The following DNPEP variants were observed in gnomAD, a reference collection of about 807,000 sequenced individuals.
DNPEP encodes the protein aspartyl aminopeptidase.
In DNPEP, 46 loss-of-function variants were observed where a neutral mutation model predicts 59.1. The observed-to-expected ratio is 0.78, with a 90% CI of 0.61 to 0.99. The LOEUF (loss-of-function observed/expected upper bound fraction) is 0.99, where lower values mean the gene tolerates loss of function less well. DNPEP is among the 50% of genes least tolerant of loss of function. DNPEP has a pLI of 0.00. For synonymous variants in DNPEP, 229 were observed against 242.2 expected (o/e 0.95, Z 0.50); for missense variants, 617 against 649.9 (o/e 0.95, Z 0.55).
chr2:219,384,275 A>G, intron 9 of DNPEP, 91 bp downstream of exon 9: 1 of 1,296,844 alleles, frequency 7.7e-7, no homozygotes, highest in Non-Finnish European at 1.1e-6. Flanking sequence ...CCTCTCTCAC[A>G]ACCTGCTGGG....
chr2:219,378,479 C>T (rs148361259), intron 13 of DNPEP, among the ~76,000 whole-genome samples: 30 of 152,340 alleles, frequency 2.0e-4, no homozygotes, highest in Non-Finnish European at 3.8e-4. Flanking sequence ...AACAATTCAG[C>T]TTTCCGAAAG....
At position 219,372,925 on chromosome 2, in the gene DNPEP, TAA is replaced by T. The variant is rs982197440; in HGVS notation, c.*1365_*1366del. Among the ~76,000 whole-genome samples, 22 of 152,174 alleles carry T rather than the reference TAA, an allele frequency of 1.4e-4. No individual in the cohort carries two copies. Among genetic ancestry groups the T allele is most frequent in the African/African-American group, 3.4e-4 (14 of 41,438 alleles). The stretch of plus-strand genomic sequence containing the variant: ...ATATAGAAATATCTCTATATTATAT[TAA>T]GTTTTTTAGAAAGCTGAAGTGGAAT... On this transcript the variant is annotated 3_prime_UTR_variant, in exon 15 of 15. Coordinates refer to ENST00000273075, the MANE Select transcript of DNPEP (RefSeq NM_012100.4).
chr2:219,394,720 A>G (rs1285444227), intron 1 of DNPEP, among the ~76,000 whole-genome samples: 4 of 152,304 alleles, frequency 2.6e-5, no homozygotes, highest in Admixed American at 2.0e-4. Flanking sequence ...CCTAGCCCAG[A>G]TATCTCTTCT....
intron 13 of DNPEP, among the ~76,000 whole-genome samples, chr2:219,380,202 C>CTTTT (rs71040453): frequency 3.2e-4 from 41 of 129,198 alleles, no homozygotes; most frequent in East Asian, 2.3e-3. Flanking sequence ...TTTTTCTTTT[C>CTTTT]TTTTTTTTTT....
intron 1 of DNPEP, chr2:219,399,808 T>TC: frequency 7.7e-7 from 1 of 1,303,068 alleles, no homozygotes; most frequent in Non-Finnish European, 1.0e-6. Context: ...CATGGAAGGC[T>TC]GGTGCCTAGG....
At chr2:219,384,252 G>T (rs930154291) in intron 9 of DNPEP, 114 bp downstream of exon 9, 1 of 993,992 alleles carries the variant, frequency 1.0e-6, no homozygotes, top group Non-Finnish European at 1.5e-6. Flanking sequence ...AGACTGAGCG[G>T]GTAGACAATG....
Position 219,386,082 on chromosome 2 carries a change from C to G in DNPEP, c.476G>C (p.Arg159Pro). ...RVIVKCPTSGRLEQQLVHVER... is the reference protein window; with the variant it reads ...RVIVKCPTSGPLEQQLVHVER... ...CACGTGCACCAGCTGCTGCTCCAGC[C>G]GACCTGAGGTAGGGCACTGCAGCCA... The change falls in exon 6 of 15, where the codon CGG (arginine) becomes CCG (proline). Residue 159 changes from arginine to proline, a missense_variant. Arg to Pro is a moderately radical substitution (Grantham distance 103, BLOSUM62 -2). Transcript: ENST00000273075. 1 of 1,614,088 alleles carries G rather than the reference C, an allele frequency of 6.2e-7. No individual in the cohort carries two copies. The highest frequency in any genetic ancestry group is 8.5e-7 in the Non-Finnish European group (1 of 1,180,000).
intron 13 of DNPEP, among the ~76,000 whole-genome samples, chr2:219,376,284 T>G (rs1426622283): frequency 6.6e-6 from 1 of 151,878 alleles, no homozygotes; most frequent in Non-Finnish European, 1.5e-5. Flanking sequence ...TTCCAGGAGT[T>G]CAAGACCAGC....
rs552062844 is a variant in DNPEP at position 219,387,739 on chromosome 2, G to A, written c.36+20C>T. 1.4e-5 allele frequency: 23 copies of A among 1,607,820 alleles called. No homozygotes were observed. Among genetic ancestry groups the A allele is most frequent in the Admixed American group, 1.0e-4 (6 of 59,770 alleles). ...CGGTCTGGGATCGAAATTCAAGTGG[G>A]GCCGTCGGGAGCCACTTACCTGCAT... On this transcript the variant is annotated intron_variant, in intron 1 of 14. Transcript: ENST00000273075.
At chr2:219,396,363 G>A (rs1396621471) in intron 1 of DNPEP, among the ~76,000 whole-genome samples, 2 of 152,116 alleles carry the variant, frequency 1.3e-5, no homozygotes, top group East Asian at 1.9e-4. Context: ...CAAGGCAGGC[G>A]GATCACTTGA....
chr2:219,388,869 T>C (rs1228179644), upstream of DNPEP: 1 of 985,322 alleles, frequency 1.0e-6, no homozygotes. Flanking sequence ...ATCAACTATG[T>C]ACTCTTACTG....
chr2:219,381,438 T>G lies in DNPEP; in HGVS notation c.1138-2A>C. The G allele has an allele frequency of 6.2e-7, 1 of 1,614,168 alleles. No homozygotes were observed. Among genetic ancestry groups the G allele is most frequent in the Non-Finnish European group, 8.5e-7 (1 of 1,180,012 alleles). ...GCTGTTCACCTTGATCACGGGGCCC[T>G]GGGGAGAGTCAAGGTGAGGCAGAGG... On this transcript the variant is annotated splice_acceptor_variant, in intron 12 of 14. Coordinates refer to ENST00000273075, the MANE Select transcript of DNPEP (RefSeq NM_012100.4). LOFTEE classifies it high-confidence loss of function.
rs1235141591 is a variant in DNPEP, at chr2:219,385,964, TCA to T, written c.590+2_590+3del. 2 of 1,613,950 alleles carry T rather than the reference TCA, an allele frequency of 1.2e-6. No homozygotes were observed. The highest frequency in any genetic ancestry group is 8.5e-7 in the Non-Finnish European group (1 of 1,179,934). On this transcript the variant is annotated splice_donor_variant and splice_donor_region_variant and intron_variant, in intron 6 of 14. Coordinates refer to ENST00000273075, the MANE Select transcript of DNPEP (RefSeq NM_012100.4). LOFTEE classifies it high-confidence loss of function. The stretch of plus-strand genomic sequence containing the variant: ...CAGCCACCGCAGCCCTGCCCCAGTC[TCA>T]CAGATGCATCTCTGTGTTGGGCCCA...
At chr2:219,389,684 G>T (rs1953981191), upstream of DNPEP, among the ~76,000 whole-genome samples, 1 of 152,036 alleles carries the variant, frequency 6.6e-6, no homozygotes, top group Non-Finnish European at 1.5e-5. Flanking sequence ...ACAAAAATTA[G>T]CCGGGTGTAG....
chr2:219,375,027 G>A lies in DNPEP; in HGVS notation c.1240-5C>T, dbSNP rs1443534763. The A allele has an allele frequency of 2.5e-6, 4 of 1,613,756 alleles. No homozygotes were observed. In the Admixed American group the frequency reaches 5.0e-5, roughly 20 times the overall value. ...GTCATTCCGGACCATGAGATCCTAGGGAGAGCAGGAGACCCATGAGCAACA... is the reference window on the plus strand; with the variant it reads ...GTCATTCCGGACCATGAGATCCTAGAGAGAGCAGGAGACCCATGAGCAACA... On this transcript the variant is annotated splice_polypyrimidine_tract_variant and splice_region_variant and intron_variant, in intron 13 of 14. Transcript: ENST00000273075.
chr2:219,395,535 A>G lies in DNPEP; in HGVS notation c.-158+4405T>C, dbSNP rs114552197. Among the ~76,000 whole-genome samples, 1,455 of 152,350 alleles carry G rather than the reference A, an allele frequency of 9.6e-3. 26 individuals are homozygous for G. Among genetic ancestry groups the G allele is most frequent in the African/African-American group, 0.033 (1,353 of 41,566 alleles). On this transcript the variant is annotated intron_variant, in intron 1 of 6. Transcript: ENST00000434339. ...TCAGAACTCCAAACACACATCAAGT[A>G]TATCTGCCATTCAGGGTCATTCTCA...
At chr2:219,388,561 A>T, upstream of DNPEP, 1 of 313,234 alleles carries the variant, frequency 3.2e-6, no homozygotes, top group Non-Finnish European at 4.6e-6. Flanking sequence ...CCCGCCCTGC[A>T]CCCCCGTCAC....
intron 13 of DNPEP, among the ~76,000 whole-genome samples, chr2:219,378,110 A>T (rs933894907): frequency 5.3e-5 from 8 of 152,176 alleles, no homozygotes; most frequent in Admixed American, 4.6e-4. Context: ...TTATTTTCTC[A>T]TCTCTATCTG....
upstream of DNPEP, chr2:219,388,974 G>C (rs1053922648): frequency 1.6e-6 from 1 of 638,058 alleles, no homozygotes; most frequent in South Asian, 6.9e-5. Context: ...AACTCCATCA[G>C]TTTGATTGCA....
Sources: gnomAD v4.1 joint callset for allele counts (sites outside exome capture counted in the v4.1 genomes callset) on GRCh38, gnomAD v4.1.1 for gene constraint, MANE v1.5 for transcripts, NCBI Gene and HGNC (gene_info 2026-07-23, HGNC 2026-07-21) for gene names.